Variants in PPARGC1A observed in about 807,000 individuals in gnomAD.
The protein encoded by PPARGC1A is PPARG coactivator 1 alpha.
Under a neutral mutation model 88.7 loss-of-function variants are expected in PPARGC1A, and 25 were observed. The ratio of observed to expected loss-of-function variants is 0.28; its 90% CI spans 0.21 to 0.39. The LOEUF is 0.39. PPARGC1A is among the 10% of genes least tolerant of loss of function. PPARGC1A has a pLI of 1.00. For missense variants in PPARGC1A, 880 were observed against 968.7 expected (o/e 0.91, Z 1.22); for synonymous variants, 363 against 355.6 (o/e 1.02, Z -0.24).
the PPARGC1A span, among the ~76,000 whole-genome samples, chr4:24,040,364 G>A: frequency 6.6e-6 from 1 of 152,164 alleles, no homozygotes. Context: ...GGAAACCATA[G>A]CCTCTTTGAA....
At chr4:24,261,842 G>A in the PPARGC1A span, among the ~76,000 whole-genome samples, 2 of 152,088 alleles carry the variant, frequency 1.3e-5, no homozygotes, top group African/African-American at 4.8e-5. Context: ...CAGCCATTAT[G>A]AAAGTGTATC....
At chr4:24,230,323 A>G in the PPARGC1A span, among the ~76,000 whole-genome samples, 1 of 152,218 alleles carries the variant, frequency 6.6e-6, no homozygotes, top group South Asian at 2.1e-4. Context: ...CCCCCACTTC[A>G]GCGATTCTTA....
the PPARGC1A span, among the ~76,000 whole-genome samples, chr4:24,169,084 T>C: frequency 4.6e-5 from 7 of 152,196 alleles, no homozygotes; most frequent in African/African-American, 1.7e-4. Context: ...GTTGATAGTA[T>C]GTTTGTGACC....
At chr4:24,015,362 T>G in the PPARGC1A span, among the ~76,000 whole-genome samples, 2 of 152,142 alleles carry the variant, frequency 1.3e-5, no homozygotes, top group Admixed American at 1.3e-4. Flanking sequence ...TACCAATGAA[T>G]ACGCTTTCAG....
the PPARGC1A span, among the ~76,000 whole-genome samples, chr4:24,394,579 T>C: frequency 6.6e-6 from 1 of 152,204 alleles, no homozygotes. Context: ...CCAAGCATCT[T>C]AACTAAAGTA....
the PPARGC1A span, among the ~76,000 whole-genome samples, chr4:24,001,559 G>T: frequency 1.3e-5 from 2 of 152,086 alleles, no homozygotes; most frequent in Non-Finnish European, 1.5e-5. Context: ...TTGTGCCAAG[G>T]TATATTTCAA....
the PPARGC1A span, among the ~76,000 whole-genome samples, chr4:24,386,327 G>A: frequency 1.6e-4 from 24 of 152,070 alleles, no homozygotes; most frequent in Non-Finnish European, 3.1e-4. Flanking sequence ...TTTGAAAACC[G>A]GCACAAGACA....
At chr4:24,104,600 C>A in the PPARGC1A span, among the ~76,000 whole-genome samples, 419 of 152,154 alleles carry the variant, frequency 2.8e-3, 5 homozygotes, top group East Asian at 0.052. Flanking sequence ...GTGGGCAACA[C>A]AATTCAGAGA....
At chr4:24,287,023 A>G in the PPARGC1A span, among the ~76,000 whole-genome samples, 4 of 152,146 alleles carry the variant, frequency 2.6e-5, no homozygotes, top group Admixed American at 1.3e-4. Context: ...ACCCAATCCT[A>G]TTATTCCTGC....
chr4:24,255,817 C>T, the PPARGC1A span, among the ~76,000 whole-genome samples: 27 of 152,324 alleles, frequency 1.8e-4, 1 homozygote, highest in African/African-American at 5.5e-4. Flanking sequence ...GATGATGGAG[C>T]AAGTCGCTCC....
At chr4:24,172,714 C>CTCAGGCAGACAGT in the PPARGC1A span, among the ~76,000 whole-genome samples, 1 of 152,236 alleles carries the variant, frequency 6.6e-6, no homozygotes, top group South Asian at 2.1e-4. Context: ...TCTCTTTTCT[C>CTCAGGCAGACAGT]TCAGGCAGAC....
chr4:24,417,322 T>C, the PPARGC1A span, among the ~76,000 whole-genome samples: 3 of 152,164 alleles, frequency 2.0e-5, no homozygotes, highest in Admixed American at 2.0e-4. Context: ...CTCAGTTCTG[T>C]TGAGGAACAA....
intron 2 of PPARGC1A, among the ~76,000 whole-genome samples, chr4:23,833,036 T>A (rs1253817374): frequency 1.3e-5 from 2 of 152,138 alleles, no homozygotes; most frequent in Non-Finnish European, 2.9e-5. Flanking sequence ...TTTTTGAACA[T>A]CTACTCTGTG....
chr4:24,455,761 C>A, the PPARGC1A span, among the ~76,000 whole-genome samples: 3 of 152,210 alleles, frequency 2.0e-5, no homozygotes, highest in South Asian at 2.1e-4. Flanking sequence ...TGCTCTCATG[C>A]GTTCCTGCCC....
the PPARGC1A span, among the ~76,000 whole-genome samples, chr4:24,344,533 C>T: frequency 6.6e-6 from 1 of 151,702 alleles, no homozygotes; most frequent in African/African-American, 2.4e-5. Flanking sequence ...TATTCGTTGG[C>T]CATTTGTATA....
the PPARGC1A span, among the ~76,000 whole-genome samples, chr4:23,982,197 T>C: frequency 6.6e-6 from 1 of 152,078 alleles, no homozygotes; most frequent in Non-Finnish European, 1.5e-5. Flanking sequence ...TTAGATACTA[T>C]AGCAAAGATC....
chr4:23,882,717 T>C (rs1716179465), intron 2 of PPARGC1A: 1 of 152,080 alleles, frequency 6.6e-6, no homozygotes, highest in African/African-American at 2.4e-5. Flanking sequence ...GCATAGAATA[T>C]GATACAGGGA....
chr4:24,451,842 C>T, the PPARGC1A span, among the ~76,000 whole-genome samples: 1 of 152,316 alleles, frequency 6.6e-6, no homozygotes, highest in Non-Finnish European at 1.5e-5. Flanking sequence ...TCCCAAAGTG[C>T]TCGGATTACA....
the PPARGC1A span, among the ~76,000 whole-genome samples, chr4:23,912,767 C>A: frequency 2.0e-5 from 3 of 151,762 alleles, no homozygotes; most frequent in Non-Finnish European, 4.4e-5. Context: ...GCCTTGCCAG[C>A]CTCCACAATC....
Sources: gnomAD v4.1 joint callset for allele counts (sites outside exome capture counted in the v4.1 genomes callset) on GRCh38, gnomAD v4.1.1 for gene constraint, MANE v1.5 for transcripts, NCBI Gene and HGNC (gene_info 2026-07-23, HGNC 2026-07-21) for gene names.